ZNF723: variants seen among roughly 807,000 people sequenced by gnomAD.
The protein encoded by ZNF723 is zinc finger protein 723, also known as zinc finger protein 723, pseudogene.
Under a neutral mutation model 9.4 loss-of-function variants are expected in ZNF723, and 5 were observed. The ratio of observed to expected loss-of-function variants is 0.53; its 90% CI spans 0.28 to 1.12. The LOEUF is 1.12. ZNF723 is among the 50% of genes most tolerant of loss of function. The probability of loss-of-function intolerance (pLI) is 0.10; values close to 1 mark genes in which losing one functional copy is unlikely to be tolerated. For missense variants in ZNF723, 450 were observed against 501.5 expected (o/e 0.90, Z 0.98); for synonymous variants, 158 against 168.8 (o/e 0.94, Z 0.49).
At chr19:22,853,821 C>T (rs567705042) in intron 3 of ZNF723, among the ~76,000 whole-genome samples, 37 of 152,176 alleles carry the variant, frequency 2.4e-4, no homozygotes, top group African/African-American at 8.7e-4. Context: ...ACCATGTTGG[C>T]CAGGCTGGTC....
chr19:22,858,380 A>G lies in ZNF723; in HGVS notation c.1489A>G (p.Asn497Asp). The change falls in exon 4 of 4, where the codon AAC becomes GAC. Residue 497 changes from asparagine (N) to aspartate (D), a missense_variant. Physicochemically the swap from Asn to Asp is conservative, Grantham distance 23. Around this residue, in one of 5 missense-constraint regions of ZNF723, gnomAD observed 43 missense variants for 22.2 expected, o/e 1.94. Transcript: ENST00000600766. ...GKAFNKSSIL[N>D]RHKIIHTKEK... ...AGCCTTTAACAAGTCCTCAATTCTT[A>G]ACAGACATAAGATAATTCATACTAA... 1.2e-6 allele frequency: 1 copy of G among 845,180 alleles called. No individual in the cohort carries two copies. The highest frequency in any genetic ancestry group is 1.9e-6 in the Non-Finnish European group (1 of 514,712). The allele number at this position is 845,180 out of a possible 1,614,324, so 52.4% of individuals were successfully genotyped here.
upstream of ZNF723, among the ~76,000 whole-genome samples, chr19:22,830,083 G>A (rs1967078923): frequency 6.6e-6 from 1 of 151,930 alleles, no homozygotes; most frequent in Non-Finnish European, 1.5e-5. Flanking sequence ...TGTCTATGAT[G>A]AAAAATAAAT....
At chr19:22,836,614 T>G (rs1337224171) in intron 1 of ZNF723, among the ~76,000 whole-genome samples, 1 of 152,142 alleles carries the variant, frequency 6.6e-6, no homozygotes, top group African/African-American at 2.4e-5. Flanking sequence ...AAAATTGGGT[T>G]TATTTTGGCT....
chr19:22,814,348 CAT>C, the ZNF723 span, among the ~76,000 whole-genome samples: 5 of 152,320 alleles, frequency 3.3e-5, no homozygotes, highest in Non-Finnish European at 7.3e-5. Context: ...TTATCACACT[CAT>C]GTGCACACCC....
chr19:22,815,555 C>T, the ZNF723 span, among the ~76,000 whole-genome samples: 1 of 152,032 alleles, frequency 6.6e-6, no homozygotes, highest in Admixed American at 6.6e-5. Context: ...TTTGACATAC[C>T]CTTGCCAAAA....
intron 1 of ZNF723, among the ~76,000 whole-genome samples, chr19:22,846,894 A>G (rs1033608186): frequency 3.2e-5 from 4 of 124,814 alleles, no homozygotes; most frequent in African/African-American, 6.4e-5. Flanking sequence ...ATGAGCCACT[A>G]CCCCCAACCA....
At chr19:22,828,735 C>A (rs117561596), upstream of ZNF723, among the ~76,000 whole-genome samples, 4,320 of 152,154 alleles carry the variant, frequency 0.028, 99 homozygotes, top group Non-Finnish European at 0.049. Flanking sequence ...CCAAACCAAA[C>A]CAAAATGAGT....
chr19:22,844,518 T>G (rs188923589), intron 1 of ZNF723, among the ~76,000 whole-genome samples: 43 of 152,318 alleles, frequency 2.8e-4, no homozygotes, highest in African/African-American at 9.9e-4. Flanking sequence ...TTATTCGTAT[T>G]AGTACTCTGC....
chr19:22,847,530 A>G lies in ZNF723; in HGVS notation c.4-731A>G, dbSNP rs1257483427. ...CAGACTTTATTCCAGATGTTCTGGA[A>G]AAAAAAAAAATCTCCATTACAAGAT... On this transcript the variant is annotated intron_variant, in intron 1 of 3. Transcript: ENST00000600766. 1.0e-4 allele frequency among the ~76,000 whole-genome samples: 11 copies of G among 108,872 alleles called. No homozygotes were observed. The East Asian group carries it at 3.2e-3, about 32-fold the overall frequency. The allele number at this position is 108,872 out of a possible 152,430, so 71.4% of individuals were successfully genotyped here. A position where few individuals can be genotyped will look rare whatever the true frequency, so the allele number is the denominator to read the frequency against.
chr19:22,838,397 C>G (rs1180149024), intron 1 of ZNF723, among the ~76,000 whole-genome samples: 1 of 151,952 alleles, frequency 6.6e-6, no homozygotes, highest in Admixed American at 6.6e-5. Context: ...ACTAAAAACA[C>G]AAAAATTAGC....
chr19:22,837,973 C>T (rs1022177676), intron 1 of ZNF723, among the ~76,000 whole-genome samples: 2 of 152,142 alleles, frequency 1.3e-5, no homozygotes, highest in Non-Finnish European at 2.9e-5. Flanking sequence ...ATAAGTAGCA[C>T]AAGCCAGTCC....
intron 1 of ZNF723, among the ~76,000 whole-genome samples, chr19:22,846,492 G>A (rs1031794030): frequency 2.6e-5 from 4 of 152,020 alleles, no homozygotes; most frequent in Non-Finnish European, 4.4e-5. Flanking sequence ...GCATGGTGGC[G>A]CATGCCTGTA....
chr19:22,849,614 A>G (rs1967365023), intron 3 of ZNF723, among the ~76,000 whole-genome samples: 1 of 152,182 alleles, frequency 6.6e-6, no homozygotes, highest in South Asian at 2.1e-4. Flanking sequence ...GCATAATTTT[A>G]TAAAACTCTG....
chr19:22,829,670 G>A (rs1164823048), upstream of ZNF723, among the ~76,000 whole-genome samples: 1 of 152,090 alleles, frequency 6.6e-6, no homozygotes, highest in African/African-American at 2.4e-5. Flanking sequence ...TGACCAAAAG[G>A]GAGAAATTGT....
chr19:22,846,393 A>G (rs1329658008), intron 1 of ZNF723, among the ~76,000 whole-genome samples: 1 of 152,170 alleles, frequency 6.6e-6, no homozygotes, highest in Non-Finnish European at 1.5e-5. Flanking sequence ...GAGGCTGAGC[A>G]GGTTGGATCA....
upstream of ZNF723, among the ~76,000 whole-genome samples, chr19:22,829,866 AGCTGTAATCAATATG>A (rs1967076245): frequency 6.6e-6 from 1 of 152,158 alleles, no homozygotes; most frequent in Non-Finnish European, 1.5e-5. Flanking sequence ...GCAAATTCTA[AGCTGTAATCAATATG>A]GCTCTTTCTG....
chr19:22,850,862 G>A (rs902616944), intron 3 of ZNF723, among the ~76,000 whole-genome samples: 2 of 152,036 alleles, frequency 1.3e-5, no homozygotes, highest in South Asian at 2.1e-4. Flanking sequence ...CAAATGCAAC[G>A]CAGTCATCCT....
At chr19:22,819,196 G>A in the ZNF723 span, among the ~76,000 whole-genome samples, 1 of 152,206 alleles carries the variant, frequency 6.6e-6, no homozygotes, top group South Asian at 2.1e-4. Context: ...GTGATGCCCA[G>A]TTCTTGCCTG....
At chr19:22,851,949 G>A (rs548411934) in intron 3 of ZNF723, among the ~76,000 whole-genome samples, 1 of 152,034 alleles carries the variant, frequency 6.6e-6, no homozygotes, top group East Asian at 2.0e-4. Context: ...ACCACGCCTG[G>A]CTAATTTTTT....
Sources: gnomAD v4.1 joint callset for allele counts (sites outside exome capture counted in the v4.1 genomes callset) on GRCh38, gnomAD v4.1.1 for gene constraint, gnomAD v4.1.1 regional missense constraint, MANE v1.5 for transcripts, NCBI Gene and HGNC (gene_info 2026-07-23, HGNC 2026-07-21) for gene names.